Variants in CACNA2D2 observed in about 807,000 individuals in gnomAD.
CACNA2D2 encodes calcium voltage-gated channel auxiliary subunit alpha2delta 2.
In CACNA2D2, 48 loss-of-function variants were observed where a neutral mutation model predicts 166.4. The ratio of observed to expected loss-of-function variants is 0.29; its 90% confidence interval spans 0.23 to 0.37. CACNA2D2 has a LOEUF of 0.37. Among genes scored for constraint, CACNA2D2 ranks in the 10% least tolerant of loss-of-function variants. The pLI is 1.00. For synonymous variants in CACNA2D2, 561 were observed against 573.7 expected (o/e 0.98, Z 0.32); for missense variants, 1,122 against 1,433.0 (o/e 0.78, Z 3.50).
At chr3:50,478,392 C>T (rs891730123) in intron 1 of CACNA2D2, among the ~76,000 whole-genome samples, 1 of 152,190 alleles carries the variant, frequency 6.6e-6, no homozygotes, top group African/African-American at 2.4e-5. Context: ...GTCAGCCAGG[C>T]AGGGGGCAGA....
At chr3:50,373,666 G>A (rs1704785335) in intron 22 of CACNA2D2, among the ~76,000 whole-genome samples, 1 of 129,902 alleles carries the variant, frequency 7.7e-6, no homozygotes, top group Admixed American at 7.5e-5. Context: ...GAGAGTGAGA[G>A]AGAGAGATGG....
chr3:50,391,153 C>T (rs1705868020), intron 4 of CACNA2D2, among the ~76,000 whole-genome samples: 1 of 152,212 alleles, frequency 6.6e-6, no homozygotes, highest in Non-Finnish European at 1.5e-5. Flanking sequence ...ACAGCCCTCC[C>T]TCTAGTCCCT....
intron 3 of CACNA2D2, among the ~76,000 whole-genome samples, chr3:50,405,314 G>T (rs1706650634): frequency 1.3e-5 from 2 of 149,034 alleles, no homozygotes; most frequent in South Asian, 4.2e-4. Context: ...GGAGTCGTGG[G>T]TTGCACTGGG....
At chr3:50,433,423 G>A (rs1279123235) in intron 3 of CACNA2D2, among the ~76,000 whole-genome samples, 4 of 152,008 alleles carry the variant, frequency 2.6e-5, no homozygotes, top group Non-Finnish European at 5.9e-5. Context: ...GCAGTGGCAT[G>A]ATCATGGCCC....
intron 2 of CACNA2D2, among the ~76,000 whole-genome samples, chr3:50,449,160 C>T (rs918333643): frequency 5.3e-5 from 8 of 152,206 alleles, no homozygotes; most frequent in Admixed American, 2.0e-4. Context: ...AAGGTAGATT[C>T]GTTGAAGCCA....
At chr3:50,496,293 C>T (rs530527266) in intron 1 of CACNA2D2, among the ~76,000 whole-genome samples, 4 of 151,810 alleles carry the variant, frequency 2.6e-5, no homozygotes, top group Middle Eastern at 3.4e-3. Flanking sequence ...ACGAGAATGC[C>T]CATGCACACA....
chr3:50,385,462 C>T (rs934030368), intron 5 of CACNA2D2, among the ~76,000 whole-genome samples: 3 of 152,214 alleles, frequency 2.0e-5, no homozygotes, highest in Admixed American at 6.5e-5. Context: ...GCATGCCCCT[C>T]CCCTGTGTTT....
chr3:50,380,713 G>T lies in CACNA2D2; in HGVS notation c.842+35C>A. 1.4e-6 allele frequency: 2 copies of T among 1,464,984 alleles called. No homozygotes were observed. Among genetic ancestry groups the T allele is most frequent in the East Asian group, 2.5e-5 (1 of 39,498 alleles). The allele number at this position is 1,464,984 out of a possible 1,614,324, so 90.7% of individuals were successfully genotyped here. On this transcript the variant is annotated intron_variant, in intron 8 of 37. Transcript: ENST00000424201. The surrounding 1 kb of genome is among the most constrained non-coding windows in gnomAD (Gnocchi z 4.9). The stretch of plus-strand genomic sequence containing the variant: ...AGGCAGGAAAGGTGGGGAACTGAGG[G>T]GGTGTCCCTCCCCAGCCCCTTCTTG...
At chr3:50,440,727 C>T (rs374559188) in intron 2 of CACNA2D2, among the ~76,000 whole-genome samples, 1 of 152,038 alleles carries the variant, frequency 6.6e-6, no homozygotes, top group Non-Finnish European at 1.5e-5. Flanking sequence ...CTCCTTACAT[C>T]CCCCTGGAAC....
chr3:50,370,245 G>C, intron 23 of CACNA2D2, 75 bp downstream of exon 23: 1 of 992,112 alleles, frequency 1.0e-6, no homozygotes, highest in South Asian at 1.4e-5. Flanking sequence ...CAGAGCTCCA[G>C]GCAGCAGTGC....
At chr3:50,468,364 G>A (rs1449545602) in intron 2 of CACNA2D2, among the ~76,000 whole-genome samples, 2 of 145,940 alleles carry the variant, frequency 1.4e-5, no homozygotes, top group Non-Finnish European at 3.0e-5. Flanking sequence ...AAGAGAACCA[G>A]CAAGTTCATC....
Position 50,379,230 on chromosome 3 carries a change from C to G in CACNA2D2, c.1153-31G>C. On this transcript the variant is annotated intron_variant, in intron 11 of 37. Coordinates refer to ENST00000424201, the MANE Select transcript of CACNA2D2 (RefSeq NM_006030.4). The surrounding 1 kb of genome is among the most constrained non-coding windows in gnomAD (Gnocchi z 6.5). ...GGGAGTGAGGCGGAGGCAGGCAGCT[C>G]TCAGCCCTCCCTGGTCCAGGGGCAG... is the stretch of plus-strand genomic sequence containing the variant. 2 of 1,580,726 alleles carry G rather than the reference C, an allele frequency of 1.3e-6. No individual in the cohort carries two copies. Among genetic ancestry groups the G allele is most frequent in the Non-Finnish European group, 1.7e-6 (2 of 1,150,026 alleles).
chr3:50,389,894 A>T (rs1705803041), intron 4 of CACNA2D2, among the ~76,000 whole-genome samples: 1 of 152,180 alleles, frequency 6.6e-6, no homozygotes, highest in South Asian at 2.1e-4. Flanking sequence ...CCTTGGTAAG[A>T]AGTACATGGA....
At position 50,363,179 on chromosome 3, in the gene CACNA2D2, G is replaced by A. The variant is rs1575573971; in HGVS notation, c.*1487C>T. On this transcript the variant is annotated 3_prime_UTR_variant, in exon 38 of 38. Transcript: ENST00000424201. The stretch of plus-strand genomic sequence containing the variant: ...GCACCTGACTACACTACAGTTACAC[G>A]CACGCCCCCGAAGGACACAGCTGGC... The A allele has an allele frequency of 2.5e-6, 1 of 398,758 alleles. No homozygotes were observed. Among genetic ancestry groups the A allele is most frequent in the Admixed American group, 4.4e-5 (1 of 22,722 alleles). The allele number at this position is 398,758 out of a possible 1,614,324, so 24.7% of individuals were successfully genotyped here.
intron 3 of CACNA2D2, 55 bp from the exon 4 acceptor site, chr3:50,394,223 C>T: frequency 6.8e-7 from 1 of 1,462,482 alleles, no homozygotes; most frequent in Non-Finnish European, 9.6e-7. Context: ...CTGCCCTATG[C>T]CCACCCCAAA....
chr3:50,469,677 G>A (rs577316615), intron 2 of CACNA2D2, among the ~76,000 whole-genome samples: 1 of 152,138 alleles, frequency 6.6e-6, no homozygotes, highest in African/African-American at 2.4e-5. Flanking sequence ...GGGAATCAAG[G>A]CTCAGAGAGG....
At chr3:50,453,811 C>T (rs1347760512) in intron 2 of CACNA2D2, among the ~76,000 whole-genome samples, 1 of 152,118 alleles carries the variant, frequency 6.6e-6, no homozygotes, top group Admixed American at 6.5e-5. Context: ...AGGCAAAGCA[C>T]TGCAGGAAGA....
chr3:50,501,690 G>T (rs1698970185), intron 1 of CACNA2D2, among the ~76,000 whole-genome samples: 1 of 152,220 alleles, frequency 6.6e-6, no homozygotes, highest in Non-Finnish European at 1.5e-5. Flanking sequence ...AAGGAGCTAT[G>T]AAACGGCTAA....
At chr3:50,435,979 A>C (rs1347061258) in intron 2 of CACNA2D2, among the ~76,000 whole-genome samples, 1 of 152,180 alleles carries the variant, frequency 6.6e-6, no homozygotes, top group African/African-American at 2.4e-5. Flanking sequence ...TCACAGAGGG[A>C]GACAGTGTTA....
Sources: allele counts gnomAD v4.1 joint callset (sites outside exome capture counted in the v4.1 genomes callset), GRCh38; gene constraint gnomAD v4.1.1; non-coding constraint Gnocchi (gnomAD v3.1); transcripts MANE v1.5; gene names NCBI Gene and HGNC (gene_info 2026-07-23, HGNC 2026-07-21).